The following ZNF420 variants were observed in gnomAD, a reference collection of about 807,000 sequenced individuals.
The protein encoded by ZNF420 is ATM and p53-associated KZNF protein.
In ZNF420, 31 loss-of-function variants were observed where a neutral mutation model predicts 44.7. The observed-to-expected ratio is 0.69, with a 90% CI of 0.52 to 0.94. ZNF420 has a LOEUF of 0.94. ZNF420 is among the 40% of genes least tolerant of loss of function. ZNF420 has a pLI of 0.00. For synonymous variants in ZNF420, 245 were observed against 267.4 expected (o/e 0.92, Z 0.82); for missense variants, 681 against 827.9 (o/e 0.82, Z 2.18).
intron 1 of ZNF420, among the ~76,000 whole-genome samples, chr19:37,008,724 C>T (rs1317955832): frequency 1.3e-5 from 2 of 152,222 alleles, no homozygotes; most frequent in African/African-American, 4.8e-5. Context: ...CACTCCTCCC[C>T]GGGTGCCCGT....
intron 1 of ZNF420, among the ~76,000 whole-genome samples, chr19:37,065,261 G>T (rs1443095357): frequency 1.3e-5 from 2 of 152,130 alleles, no homozygotes; most frequent in Non-Finnish European, 1.5e-5. Context: ...GTGCATGATG[G>T]TAGGCTTCCA....
chr19:37,088,832 T>C (rs1024525958), intron 2 of ZNF420, among the ~76,000 whole-genome samples: 6 of 152,222 alleles, frequency 3.9e-5, no homozygotes, highest in Admixed American at 6.5e-5. Flanking sequence ...ATTTCAGAAG[T>C]AGTAGAGACA....
At chr19:37,038,201 A>G (rs1250478028) in intron 1 of ZNF420, among the ~76,000 whole-genome samples, 1 of 152,208 alleles carries the variant, frequency 6.6e-6, no homozygotes, top group African/African-American at 2.4e-5. Flanking sequence ...TTAAAATATA[A>G]TGTACATACC....
At chr19:37,011,177 C>A (rs577263578) in intron 1 of ZNF420, among the ~76,000 whole-genome samples, 8 of 152,212 alleles carry the variant, frequency 5.3e-5, no homozygotes, top group Non-Finnish European at 1.2e-4. Context: ...ACAAAGATCA[C>A]TTCCCAGTCC....
chr19:37,094,385 G>C (rs963259481), intron 4 of ZNF420, among the ~76,000 whole-genome samples: 2 of 152,104 alleles, frequency 1.3e-5, no homozygotes, highest in South Asian at 4.1e-4. Flanking sequence ...AAAACGTACA[G>C]TATTTATTTA....
intron 2 of ZNF420, 62 bp from the exon 3 acceptor site, chr19:37,088,977 A>G: frequency 1.3e-6 from 1 of 758,238 alleles, no homozygotes; most frequent in Non-Finnish European, 2.4e-6. Context: ...AGATAATTCC[A>G]ACTGAATCAT....
intron 4 of ZNF420, among the ~76,000 whole-genome samples, chr19:37,119,168 T>A (rs1057090000): frequency 6.9e-6 from 1 of 145,316 alleles, no homozygotes; most frequent in Non-Finnish European, 1.5e-5. Flanking sequence ...AGAATATACA[T>A]TTTTTTTCAG....
chr19:37,103,962 C>T (rs976259643), intron 4 of ZNF420, among the ~76,000 whole-genome samples: 2 of 142,438 alleles, frequency 1.4e-5, no homozygotes, highest in Admixed American at 1.4e-4. Flanking sequence ...TCCAGCTCTT[C>T]TCTCATTTTT....
chr19:37,058,937 G>A (rs1305852424), intron 1 of ZNF420, among the ~76,000 whole-genome samples: 2 of 152,204 alleles, frequency 1.3e-5, no homozygotes, highest in African/African-American at 4.8e-5. Context: ...AAGGGAGAAG[G>A]GAGGCAGAGG....
chr19:37,026,876 T>C (rs1967170579), intron 1 of ZNF420, among the ~76,000 whole-genome samples: 1 of 152,214 alleles, frequency 6.6e-6, no homozygotes, highest in Non-Finnish European at 1.5e-5. Flanking sequence ...AAAATATTAG[T>C]CAATACCCTA....
chr19:37,088,586 A>T (rs572567100), intron 2 of ZNF420, among the ~76,000 whole-genome samples: 1 of 152,338 alleles, frequency 6.6e-6, no homozygotes, highest in Middle Eastern at 3.4e-3. Flanking sequence ...ATGAACACAC[A>T]TATATTTAGC....
Position 37,103,993 on chromosome 19 carries a change from T to A in ZNF420, c.136+12872T>A, listed in dbSNP as rs1048702739. ...TTTTTTTTTTGTCTTTTTTTTTTTT[T>A]ATTATACTTTAAGTTCTAGGGTACA... On this transcript the variant is annotated intron_variant, in intron 4 of 4. Coordinates refer to ENST00000337995, the MANE Select transcript of ZNF420 (RefSeq NM_144689.5). 6.2e-4 allele frequency among the ~76,000 whole-genome samples: 82 copies of A among 131,778 alleles called. 1 individual carries two copies. Among genetic ancestry groups the A allele is most frequent in the Middle Eastern group, 4.1e-3 (1 of 242 alleles). 86.5% of individuals were successfully genotyped at this position (131,778 alleles called of 152,430 possible). A position where few individuals can be genotyped will look rare whatever the true frequency, so the allele number is the denominator to read the frequency against.
chr19:37,096,691 T>C (rs1022958263), intron 4 of ZNF420, among the ~76,000 whole-genome samples: 2 of 152,182 alleles, frequency 1.3e-5, no homozygotes, highest in East Asian at 3.8e-4. Flanking sequence ...TCCTACTTCA[T>C]TGTAGCACCC....
At chr19:37,096,652 G>A (rs888056821) in intron 4 of ZNF420, among the ~76,000 whole-genome samples, 21 of 152,132 alleles carry the variant, frequency 1.4e-4, no homozygotes, top group Admixed American at 1.2e-3. Flanking sequence ...TGTAACTTCA[G>A]AGCATATTTA....
chr19:37,027,276 T>C (rs930206145), intron 1 of ZNF420, among the ~76,000 whole-genome samples: 2 of 152,212 alleles, frequency 1.3e-5, no homozygotes, highest in African/African-American at 4.8e-5. Flanking sequence ...AATAATTGAC[T>C]TAATTTTTAG....
intron 4 of ZNF420, among the ~76,000 whole-genome samples, chr19:37,097,855 C>T (rs1055339100): frequency 6.6e-6 from 1 of 152,066 alleles, no homozygotes; most frequent in Non-Finnish European, 1.5e-5. Flanking sequence ...GCTTCGTTTT[C>T]CTAAGGTCAT....
intron 1 of ZNF420, among the ~76,000 whole-genome samples, chr19:37,017,722 G>A (rs2074618277): frequency 6.6e-6 from 1 of 152,130 alleles, no homozygotes; most frequent in Admixed American, 6.6e-5. Context: ...CACACTCGGT[G>A]AAAGACTGAA....
intron 1 of ZNF420, among the ~76,000 whole-genome samples, chr19:37,010,825 C>T (rs1343314772): frequency 6.6e-6 from 1 of 152,080 alleles, no homozygotes; most frequent in African/African-American, 2.4e-5. Flanking sequence ...AGGATCAAGA[C>T]GACCACACTC....
chr19:37,073,425 A>G (rs748086988), intron 1 of ZNF420, among the ~76,000 whole-genome samples: 1 of 152,192 alleles, frequency 6.6e-6, no homozygotes, highest in Non-Finnish European at 1.5e-5. Context: ...GGGACAGGGA[A>G]TGCACAATAT....
Sources: allele counts gnomAD v4.1 joint callset (sites outside exome capture counted in the v4.1 genomes callset), GRCh38; gene constraint gnomAD v4.1.1; transcripts MANE v1.5; gene names NCBI Gene and HGNC (gene_info 2026-07-23, HGNC 2026-07-21).